The following DLG2 variants were observed in gnomAD, a reference collection of about 807,000 sequenced individuals.
DLG2 encodes discs large MAGUK scaffold protein 2.
In DLG2, 45 loss-of-function variants were observed where a neutral mutation model predicts 132.5. That is an observed-to-expected ratio of 0.34 (90% confidence interval 0.27 to 0.44). DLG2 has a LOEUF of 0.44. DLG2 is among the 20% of genes least tolerant of loss of function. DLG2 has a pLI of 1.00. For synonymous variants in DLG2, 424 were observed against 419.6 expected, an observed-to-expected ratio of 1.01 and a Z score of -0.13; for missense variants, 1,045 against 1,196.9, an observed-to-expected ratio of 0.87 and a Z score of 1.87.
intron 11 of DLG2, among the ~76,000 whole-genome samples, chr11:84,024,262 C>T (rs557648773): frequency 6.6e-6 from 1 of 152,262 alleles, no homozygotes; most frequent in Non-Finnish European, 1.5e-5. Flanking sequence ...TTAATAATCT[C>T]AGAAACACAC....
chr11:85,150,233 G>A (rs1162527238), intron 5 of DLG2, among the ~76,000 whole-genome samples: 1 of 151,796 alleles, frequency 6.6e-6, no homozygotes, highest in East Asian at 1.9e-4. Context: ...TGTTAGCCAG[G>A]AAGGTCTCGA....
intron 6 of DLG2, among the ~76,000 whole-genome samples, chr11:84,988,727 A>T (rs187883684): frequency 9.6e-4 from 146 of 152,274 alleles, no homozygotes; most frequent in Non-Finnish European, 1.6e-3. Flanking sequence ...TGGGGAAAGG[A>T]TGGGAAGGGA....
chr11:85,209,412 C>G (rs1300586932), intron 4 of DLG2, among the ~76,000 whole-genome samples: 1 of 134,128 alleles, frequency 7.5e-6, no homozygotes, highest in African/African-American at 2.8e-5. Flanking sequence ...GCCTCCAGCT[C>G]TTCTCTGAAC....
chr11:83,651,256 A>G (rs1430603783), intron 18 of DLG2, among the ~76,000 whole-genome samples: 1 of 152,186 alleles, frequency 6.6e-6, no homozygotes, highest in Non-Finnish European at 1.5e-5. Context: ...GGAATGTCAG[A>G]GAGTAAGTAC....
chr11:84,405,491 C>T (rs1009569770), intron 7 of DLG2, among the ~76,000 whole-genome samples: 4 of 152,168 alleles, frequency 2.6e-5, no homozygotes, highest in African/African-American at 9.7e-5. Context: ...GTCTTGCCTT[C>T]CTATAAGTTT....
intron 6 of DLG2, among the ~76,000 whole-genome samples, chr11:85,011,261 G>A (rs2154135361): frequency 6.6e-6 from 1 of 152,100 alleles, no homozygotes; most frequent in East Asian, 1.9e-4. Context: ...ACTATTTAGT[G>A]CTTTTTCCAT....
At chr11:85,129,948 A>T (rs1281557748) in intron 5 of DLG2, among the ~76,000 whole-genome samples, 2 of 152,102 alleles carry the variant, frequency 1.3e-5, no homozygotes, top group Non-Finnish European at 2.9e-5. Flanking sequence ...CAGCAAACTA[A>T]CACAGGAATA....
chr11:84,624,857 C>CCT (rs2099619652), intron 6 of DLG2, among the ~76,000 whole-genome samples: 3 of 76,198 alleles, frequency 3.9e-5, no homozygotes, highest in Admixed American at 1.2e-4. Context: ...GAGAGTCAAC[C>CCT]TTTTTTTTTT....
At chr11:84,107,577 T>C (rs1360057404) in intron 9 of DLG2, among the ~76,000 whole-genome samples, 2 of 152,090 alleles carry the variant, frequency 1.3e-5, no homozygotes, top group Non-Finnish European at 2.9e-5. Flanking sequence ...GTACAACATG[T>C]GTAACATTAG....
intron 4 of DLG2, among the ~76,000 whole-genome samples, chr11:85,206,539 G>A (rs7108893): frequency 0.073 from 11,154 of 152,166 alleles, 468 homozygotes; most frequent in African/African-American, 0.11. Context: ...TGGTATATAA[G>A]TAATAAAGGT....
intron 7 of DLG2, among the ~76,000 whole-genome samples, chr11:84,294,741 A>C (rs1275942837): frequency 2.0e-5 from 3 of 152,218 alleles, no homozygotes; most frequent in African/African-American, 7.2e-5. Flanking sequence ...GTAGGTCACC[A>C]ATCTGTCCTT....
At chr11:84,015,169 C>T (rs2154069869) in intron 11 of DLG2, among the ~76,000 whole-genome samples, 1 of 152,190 alleles carries the variant, frequency 6.6e-6, no homozygotes, top group Admixed American at 6.6e-5. Flanking sequence ...ATTGATTTTA[C>T]AAACAATTTA....
chr11:84,287,619 CGTAA>C (rs1567184104), intron 7 of DLG2, among the ~76,000 whole-genome samples: 1 of 151,820 alleles, frequency 6.6e-6, no homozygotes, highest in Non-Finnish European at 1.5e-5. Flanking sequence ...GTCAGTGTTG[CGTAA>C]GTCTCTGTTT....
At chr11:85,317,829 A>G (rs1453275274) in intron 3 of DLG2, among the ~76,000 whole-genome samples, 1 of 151,900 alleles carries the variant, frequency 6.6e-6, no homozygotes, top group Non-Finnish European at 1.5e-5. Context: ...TACCTGAGTA[A>G]TGAAATATCT....
chr11:84,708,035 G>A (rs1238810110), intron 6 of DLG2, among the ~76,000 whole-genome samples: 1 of 151,716 alleles, frequency 6.6e-6, no homozygotes, highest in Non-Finnish European at 1.5e-5. Context: ...TTTGGGCAAG[G>A]TATAGCCAAA....
chr11:85,521,265 A>T (rs1263233408), intron 3 of DLG2, among the ~76,000 whole-genome samples: 1 of 152,182 alleles, frequency 6.6e-6, no homozygotes, highest in African/African-American at 2.4e-5. Context: ...AGTTCTCACA[A>T]GATCTGACAG....
chr11:84,439,197 T>A (rs979385261), intron 7 of DLG2, among the ~76,000 whole-genome samples: 5 of 152,224 alleles, frequency 3.3e-5, no homozygotes, highest in Admixed American at 6.5e-5. Flanking sequence ...ACCCTGACTT[T>A]GCTTCTAATT....
At chr11:83,742,970 C>T (rs143895947) in intron 18 of DLG2, among the ~76,000 whole-genome samples, 134 of 152,262 alleles carry the variant, frequency 8.8e-4, no homozygotes, top group Non-Finnish European at 1.4e-3. Flanking sequence ...AACACAGGAA[C>T]ACAAACAAAG....
chr11:85,531,484 G>GA (rs528351488), intron 3 of DLG2, among the ~76,000 whole-genome samples: 1 of 152,248 alleles, frequency 6.6e-6, no homozygotes, highest in Non-Finnish European at 1.5e-5. Context: ...AATCACAACT[G>GA]AAAAATTAGA....
Sources: gnomAD v4.1 joint callset for allele counts (sites outside exome capture counted in the v4.1 genomes callset) on GRCh38, gnomAD v4.1.1 for gene constraint, MANE v1.5 for transcripts, NCBI Gene and HGNC (gene_info 2026-07-23, HGNC 2026-07-21) for gene names.